The following SLC6A11 variants were observed in gnomAD, a reference collection of about 807,000 sequenced individuals.
SLC6A11 encodes solute carrier family 6 member 11, also known as sodium- and chloride-dependent GABA transporter 3.
Under a neutral mutation model 74.8 loss-of-function variants are expected in SLC6A11, and 25 were observed. That is an observed-to-expected ratio of 0.33 (90% CI 0.24 to 0.47). The LOEUF (loss-of-function observed/expected upper bound fraction) is 0.47. Among genes scored for constraint, SLC6A11 ranks in the 20% least tolerant of loss-of-function variants. The pLI, the probability that SLC6A11 is intolerant of heterozygous loss-of-function variation, is 1.00. For missense variants in SLC6A11, 574 were observed against 837.0 expected (o/e 0.69, Z 3.88); for synonymous variants, 330 against 330.2 (o/e 1.00, Z 0.01).
intron 6 of SLC6A11, among the ~76,000 whole-genome samples, chr3:10,892,739 C>T (rs1695121973): frequency 6.6e-6 from 1 of 152,030 alleles, no homozygotes; most frequent in South Asian, 2.1e-4. Flanking sequence ...TTGGAGGAGA[C>T]AAAGCCCAGA....
intron 4 of SLC6A11, among the ~76,000 whole-genome samples, chr3:10,830,531 T>C (rs993018172): frequency 2.0e-5 from 3 of 151,648 alleles, no homozygotes; most frequent in Admixed American, 6.6e-5. Flanking sequence ...AAGCAGAAAA[T>C]ATTGGATTAA....
At chr3:10,897,685 T>G (rs939250016) in intron 6 of SLC6A11, among the ~76,000 whole-genome samples, 2 of 152,334 alleles carry the variant, frequency 1.3e-5, no homozygotes, top group South Asian at 4.1e-4. Context: ...CATGGGCTGG[T>G]GTTGAGTGTC....
intron 5 of SLC6A11, among the ~76,000 whole-genome samples, chr3:10,852,873 C>T (rs534393685): frequency 2.6e-5 from 4 of 152,180 alleles, no homozygotes; most frequent in East Asian, 3.9e-4. Context: ...CTATGGGGAA[C>T]GGTAAAAGAA....
intron 5 of SLC6A11, among the ~76,000 whole-genome samples, chr3:10,847,823 G>C (rs2106587711): frequency 6.6e-6 from 1 of 152,234 alleles, no homozygotes; most frequent in East Asian, 1.9e-4. Flanking sequence ...AGGTTTTTTG[G>C]AGTTCTGTAC....
chr3:10,907,317 T>C (rs1225765393), intron 6 of SLC6A11, among the ~76,000 whole-genome samples: 1 of 150,872 alleles, frequency 6.6e-6, no homozygotes, highest in African/African-American at 2.4e-5. Flanking sequence ...AAACAGAAGA[T>C]GGAAAGGAGG....
chr3:10,830,331 G>A (rs1365773444), intron 4 of SLC6A11, among the ~76,000 whole-genome samples: 1 of 152,188 alleles, frequency 6.6e-6, no homozygotes. Flanking sequence ...TACCCACAAT[G>A]CTACTGCATT....
intron 6 of SLC6A11, among the ~76,000 whole-genome samples, chr3:10,889,340 G>T (rs148815934): frequency 1.3e-5 from 2 of 152,104 alleles, no homozygotes; most frequent in African/African-American, 4.8e-5. Context: ...GGGTTTGGAG[G>T]TACCTCCAAA....
At chr3:10,874,462 C>T (rs1694884119) in intron 5 of SLC6A11, among the ~76,000 whole-genome samples, 1 of 152,120 alleles carries the variant, frequency 6.6e-6, no homozygotes, top group African/African-American at 2.4e-5. Flanking sequence ...CCTTTACCCC[C>T]TCTGTGGCCC....
At chr3:10,845,817 T>C (rs955239128) in intron 5 of SLC6A11, among the ~76,000 whole-genome samples, 5 of 152,210 alleles carry the variant, frequency 3.3e-5, no homozygotes, top group Non-Finnish European at 7.3e-5. Context: ...ATGAAGACAA[T>C]AGGATTTTTC....
intron 4 of SLC6A11, among the ~76,000 whole-genome samples, chr3:10,825,752 T>C (rs1694200598): frequency 6.6e-6 from 1 of 152,256 alleles, no homozygotes; most frequent in South Asian, 2.1e-4. Flanking sequence ...GGTTTTAATA[T>C]ATAAATAACC....
In SLC6A11 at chr3:10,918,912, A is replaced by G. The variant is rs181330157; in HGVS notation, c.1120+459A>G. On this transcript the variant is annotated intron_variant, in intron 8 of 13. Coordinates refer to ENST00000254488, the MANE Select transcript of SLC6A11 (RefSeq NM_014229.3). The surrounding 1 kb of genome is among the most constrained non-coding windows in gnomAD (Gnocchi z 4.5). ...CTTGGCTTCTCATAGTGCTGGACTC[A>G]GCGTGGCCACAAAGCCCTGTGTTGC... 2.6e-5 allele frequency among the ~76,000 whole-genome samples: 4 copies of G among 151,994 alleles called. No homozygotes were observed. In the East Asian group the frequency reaches 7.8e-4, roughly 30 times the overall value.
chr3:10,853,170 CTGCAGTGGAGAA>C (rs1314012280), intron 5 of SLC6A11, among the ~76,000 whole-genome samples: 1 of 152,170 alleles, frequency 6.6e-6, no homozygotes, highest in African/African-American at 2.4e-5. Flanking sequence ...CCAGGGTGGG[CTGCAGTGGAGAA>C]AGGTACCCCG....
At chr3:10,860,887 A>T (rs757068546) in intron 5 of SLC6A11, among the ~76,000 whole-genome samples, 1 of 152,260 alleles carries the variant, frequency 6.6e-6, no homozygotes, top group African/African-American at 2.4e-5. Context: ...GTAGGTCTTC[A>T]TAGGAAATCC....
At chr3:10,919,186 G>T (rs1401313671) in intron 8 of SLC6A11, among the ~76,000 whole-genome samples, 1 of 152,134 alleles carries the variant, frequency 6.6e-6, no homozygotes, top group Non-Finnish European at 1.5e-5. Context: ...CCCACCAAGA[G>T]CAGGGTTATC....
intron 8 of SLC6A11, among the ~76,000 whole-genome samples, chr3:10,921,609 T>C (rs1435156045): frequency 1.3e-5 from 2 of 151,600 alleles, no homozygotes; most frequent in South Asian, 4.1e-4. Flanking sequence ...AGAAAACAAA[T>C]GCAAAATAGT....
chr3:10,870,737 T>C (rs948925597), intron 5 of SLC6A11, among the ~76,000 whole-genome samples: 1 of 152,204 alleles, frequency 6.6e-6, no homozygotes, highest in African/African-American at 2.4e-5. Context: ...TCAACCTTCA[T>C]ACCAATCTCC....
chr3:10,834,356 T>G (rs1694339429), intron 4 of SLC6A11, among the ~76,000 whole-genome samples: 2 of 151,854 alleles, frequency 1.3e-5, no homozygotes, highest in African/African-American at 2.4e-5. Context: ...TTTTTTGTTT[T>G]TTTTTTCAGC....
At chr3:10,938,095 A>C (rs1397249688) in intron 13 of SLC6A11, among the ~76,000 whole-genome samples, 155 bp from the exon 14 acceptor site, 2 of 152,162 alleles carry the variant, frequency 1.3e-5, no homozygotes, top group Non-Finnish European at 2.9e-5. Context: ...TTCATCATCC[A>C]GGACAGAGCT....
At chr3:10,843,382 G>A (rs1417509538) in intron 4 of SLC6A11, among the ~76,000 whole-genome samples, 2 of 152,020 alleles carry the variant, frequency 1.3e-5, no homozygotes, top group Admixed American at 6.5e-5. Context: ...TCTGATCCCT[G>A]CCTCCCAGCT....
Sources: allele counts gnomAD v4.1 joint callset (sites outside exome capture counted in the v4.1 genomes callset), GRCh38; gene constraint gnomAD v4.1.1; non-coding constraint Gnocchi (gnomAD v3.1); transcripts MANE v1.5; gene names NCBI Gene and HGNC (gene_info 2026-07-23, HGNC 2026-07-21).